SUPT3H: variants seen among roughly 807,000 people sequenced by gnomAD.
SUPT3H encodes the protein SPT3 homolog, SAGA and STAGA complex component, also known as transcription initiation protein SPT3 homolog.
A neutral mutation model predicts 44.3 loss-of-function variants in SUPT3H; 44 were observed. The ratio of observed to expected loss-of-function variants is 0.99; its 90% CI spans 0.78 to 1.28. The LOEUF (loss-of-function observed/expected upper bound fraction) is 1.28. SUPT3H is among the 50% of genes most tolerant of loss of function. The probability of loss-of-function intolerance (pLI) is 0.00; values close to 1 mark genes in which losing one functional copy is unlikely to be tolerated. For synonymous variants in SUPT3H, 124 were observed against 125.6 expected, an observed-to-expected ratio of 0.99 and a Z score of 0.09; for missense variants, 380 against 387.1, an observed-to-expected ratio of 0.98 and a Z score of 0.15.
intron 2 of SUPT3H, among the ~76,000 whole-genome samples, chr6:45,288,030 T>G (rs570516773): frequency 1.3e-4 from 20 of 152,336 alleles, no homozygotes; most frequent in Middle Eastern, 3.4e-3. Flanking sequence ...CAGCCATTCA[T>G]GTATTTTATG....
intron 9 of SUPT3H, among the ~76,000 whole-genome samples, chr6:44,936,571 T>C (rs1439775141): frequency 1.3e-5 from 2 of 152,130 alleles, no homozygotes; most frequent in Non-Finnish European, 2.9e-5. Context: ...CTCTCACTTA[T>C]AAGTAAGAAC....
intron 2 of SUPT3H, among the ~76,000 whole-genome samples, chr6:45,284,798 G>C (rs994472130): frequency 6.6e-6 from 1 of 152,138 alleles, no homozygotes; most frequent in Non-Finnish European, 1.5e-5. Context: ...CAAAAAAAGA[G>C]AAGTTTAGAC....
intron 3 of SUPT3H, among the ~76,000 whole-genome samples, chr6:45,080,664 G>T (rs989864591): frequency 6.6e-6 from 1 of 151,836 alleles, no homozygotes; most frequent in Non-Finnish European, 1.5e-5. Context: ...AGTGAAATAA[G>T]CCAGGCACAC....
chr6:45,344,651 C>G (rs1164686706), intron 2 of SUPT3H, among the ~76,000 whole-genome samples: 1 of 152,034 alleles, frequency 6.6e-6, no homozygotes, highest in African/African-American at 2.4e-5. Context: ...TCAGGAATGT[C>G]AAAAGCATGT....
intron 2 of SUPT3H, among the ~76,000 whole-genome samples, chr6:45,109,513 A>G (rs1464085284): frequency 1.1e-5 from 1 of 89,988 alleles, no homozygotes; most frequent in African/African-American, 4.8e-5. Context: ...TACTAAAAAC[A>G]GTTTTCATGA....
chr6:45,276,909 A>G (rs149529168), intron 2 of SUPT3H, among the ~76,000 whole-genome samples: 171 of 152,282 alleles, frequency 1.1e-3, no homozygotes, highest in African/African-American at 3.7e-3. Flanking sequence ...ATACTTAACT[A>G]TATACTACTT....
At chr6:45,020,788 T>C (rs552194632) in intron 3 of SUPT3H, among the ~76,000 whole-genome samples, 156 bp from the exon 4 acceptor site, 1 of 152,132 alleles carries the variant, frequency 6.6e-6, no homozygotes, top group South Asian at 2.1e-4. Context: ...AAATGTCTTA[T>C]GTTTTTAAGA....
At chr6:44,814,016 A>G (rs1376615930) in intron 11 of SUPT3H, among the ~76,000 whole-genome samples, 1 of 152,184 alleles carries the variant, frequency 6.6e-6, no homozygotes, top group African/African-American at 2.4e-5. Context: ...AAAACAAAGA[A>G]AACTACATGT....
intron 2 of SUPT3H, among the ~76,000 whole-genome samples, chr6:45,185,131 T>C (rs1223643455): frequency 6.6e-6 from 1 of 152,138 alleles, no homozygotes; most frequent in Non-Finnish European, 1.5e-5. Flanking sequence ...TGGATCGCAT[T>C]CCTCCAACTG....
intron 3 of SUPT3H, among the ~76,000 whole-genome samples, chr6:45,050,324 T>G (rs1016083069): frequency 4.5e-5 from 6 of 132,770 alleles, no homozygotes; most frequent in African/African-American, 1.4e-4. Context: ...AAGAAGATAC[T>G]TCCATTTGAA....
intron 1 of SUPT3H, among the ~76,000 whole-genome samples, chr6:45,369,990 A>C (rs981188067): frequency 8.5e-5 from 13 of 152,200 alleles, no homozygotes; most frequent in Non-Finnish European, 1.8e-4. Flanking sequence ...AGATCTTATA[A>C]AGCCTTTAGG....
Position 45,023,363 on chromosome 6 carries a change from C to T in SUPT3H, c.187-2731G>A, listed in dbSNP as rs150379767. ...AAATTAGTTCAACCATTGTGGAAAG[C>T]GGTATGGTGATTCCTCAGAGCTAAA... On this transcript the variant is annotated intron_variant, in intron 3 of 10. Transcript: ENST00000371459. 4.6e-4 allele frequency among the ~76,000 whole-genome samples: 70 copies of T among 152,008 alleles called. 1 individual carries two copies. Among genetic ancestry groups the T allele is most frequent in the African/African-American group, 1.4e-3 (56 of 41,466 alleles).
intron 2 of SUPT3H, among the ~76,000 whole-genome samples, chr6:45,353,088 G>A (rs1390615643): frequency 6.6e-6 from 1 of 152,190 alleles, no homozygotes; most frequent in East Asian, 1.9e-4. Flanking sequence ...TCATTAGTCA[G>A]TTGTTTTTAC....
chr6:45,242,896 T>C (rs1432722535), intron 2 of SUPT3H, among the ~76,000 whole-genome samples: 1 of 152,100 alleles, frequency 6.6e-6, no homozygotes, highest in African/African-American at 2.4e-5. Context: ...GAAAAGCTTT[T>C]AAAAGAGCTA....
chr6:44,919,179 G>A (rs1394943126), intron 10 of SUPT3H, among the ~76,000 whole-genome samples: 1 of 152,164 alleles, frequency 6.6e-6, no homozygotes, highest in African/African-American at 2.4e-5. Context: ...AGGGGGCGTG[G>A]AAGAGCAATG....
At chr6:44,892,597 G>C (rs571250320) in intron 10 of SUPT3H, among the ~76,000 whole-genome samples, 17 of 152,162 alleles carry the variant, frequency 1.1e-4, no homozygotes, top group Admixed American at 9.2e-4. Flanking sequence ...TAATACACAG[G>C]GAAAAAAGGA....
At chr6:45,296,240 C>T (rs1009441608) in intron 2 of SUPT3H, among the ~76,000 whole-genome samples, 3 of 145,356 alleles carry the variant, frequency 2.1e-5, no homozygotes, top group Non-Finnish European at 4.6e-5. Context: ...ACCATAAAAA[C>T]GAATGAACTA....
chr6:44,947,763 G>A (rs1773590972), intron 9 of SUPT3H, among the ~76,000 whole-genome samples: 1 of 152,092 alleles, frequency 6.6e-6, no homozygotes, highest in Non-Finnish European at 1.5e-5. Context: ...GAGTCTTTCA[G>A]CAAATAGTTC....
At chr6:45,373,140 C>A (rs143523977) in intron 1 of SUPT3H, among the ~76,000 whole-genome samples, 15 of 152,120 alleles carry the variant, frequency 9.9e-5, no homozygotes, top group Admixed American at 9.8e-4. Flanking sequence ...TTTCTAGAGA[C>A]CAGGTCTCAC....
Sources: allele counts gnomAD v4.1 joint callset (sites outside exome capture counted in the v4.1 genomes callset), GRCh38; gene constraint gnomAD v4.1.1; transcripts MANE v1.5; gene names NCBI Gene and HGNC (gene_info 2026-07-23, HGNC 2026-07-21).